The following TMEM132D variants were observed in gnomAD, a reference collection of about 807,000 sequenced individuals.
The protein encoded by TMEM132D is mature OL transmembrane protein.
In TMEM132D, 21 loss-of-function variants were observed where a neutral mutation model predicts 62.3. That is an observed-to-expected ratio of 0.34 (90% CI 0.24 to 0.49). The LOEUF (loss-of-function observed/expected upper bound fraction) is 0.49. Ranked by LOEUF, TMEM132D falls within the 20% of genes least tolerant of loss-of-function variation. The probability of loss-of-function intolerance (pLI) is 0.99; values close to 1 mark genes in which losing one functional copy is unlikely to be tolerated. For synonymous variants in TMEM132D, 621 were observed against 575.6 expected, an observed-to-expected ratio of 1.08 and a Z score of -1.13; for missense variants, 1,346 against 1,402.8, an observed-to-expected ratio of 0.96 and a Z score of 0.65.
chr12:129,306,904 A>G (rs1881858586), intron 4 of TMEM132D, among the ~76,000 whole-genome samples: 3 of 152,208 alleles, frequency 2.0e-5, no homozygotes, highest in African/African-American at 7.2e-5. Flanking sequence ...CGACTGGCCA[A>G]GGAAAAGCGG....
intron 2 of TMEM132D, among the ~76,000 whole-genome samples, chr12:129,615,304 A>T (rs570167293): frequency 3.9e-5 from 6 of 152,256 alleles, no homozygotes; most frequent in Middle Eastern, 3.4e-3. Context: ...TCAGGGATGA[A>T]TCTTCCGTCA....
chr12:129,393,916 C>T (rs1265587499), intron 3 of TMEM132D, among the ~76,000 whole-genome samples: 3 of 152,198 alleles, frequency 2.0e-5, no homozygotes, highest in African/African-American at 7.2e-5. Context: ...AACTCCGCCA[C>T]TCATCTCTCA....
chr12:129,377,697 T>G (rs1489156964), intron 3 of TMEM132D, among the ~76,000 whole-genome samples: 5 of 152,180 alleles, frequency 3.3e-5, no homozygotes, highest in Non-Finnish European at 5.9e-5. Context: ...GTGGTGAGTG[T>G]AAATCTTTGA....
chr12:129,553,902 C>T (rs1876974678), intron 2 of TMEM132D, among the ~76,000 whole-genome samples: 1 of 152,184 alleles, frequency 6.6e-6, no homozygotes, highest in African/African-American at 2.4e-5. Context: ...ATGTCACTTC[C>T]CATGCTTTGC....
chr12:129,174,794 A>G (rs1471123809), intron 5 of TMEM132D, among the ~76,000 whole-genome samples: 2 of 152,132 alleles, frequency 1.3e-5, no homozygotes, highest in African/African-American at 2.4e-5. Flanking sequence ...GATGGTATCC[A>G]TTGTGGTTTT....
At chr12:129,432,135 ATGGATGGATGGATGGATGGATGCT>A (rs1178281539) in intron 3 of TMEM132D, among the ~76,000 whole-genome samples, 19 of 145,534 alleles carry the variant, frequency 1.3e-4, no homozygotes, top group Middle Eastern at 3.5e-3. Context: ...GGATGGATGG[ATGGATGGATGGATGGATGGATGCT>A]TGGATGGATG....
intron 5 of TMEM132D, among the ~76,000 whole-genome samples, chr12:129,157,624 A>G (rs1025031058): frequency 5.3e-5 from 8 of 152,258 alleles, no homozygotes; most frequent in Non-Finnish European, 1.0e-4. Context: ...AATGAAACAC[A>G]AATTATATAA....
intron 2 of TMEM132D, among the ~76,000 whole-genome samples, chr12:129,633,288 T>C (rs1264579225): frequency 2.6e-5 from 4 of 152,158 alleles, no homozygotes; most frequent in Non-Finnish European, 5.9e-5. Context: ...ATCCAAAGTT[T>C]TCAAGATACA....
chr12:129,108,138 A>G (rs59851682), intron 5 of TMEM132D, among the ~76,000 whole-genome samples: 15,124 of 152,156 alleles, frequency 0.099, 2,248 homozygotes, highest in African/African-American at 0.32. Context: ...AGACACTTAC[A>G]TGGTGTGGGG....
At chr12:129,617,594 CG>C (rs750374604) in intron 2 of TMEM132D, among the ~76,000 whole-genome samples, 14 of 152,176 alleles carry the variant, frequency 9.2e-5, no homozygotes, top group Non-Finnish European at 1.3e-4. Context: ...AGCAGCAGTG[CG>C]GTTCTATTTG....
chr12:129,380,140 A>T (rs1251891328), intron 3 of TMEM132D, among the ~76,000 whole-genome samples: 1 of 152,226 alleles, frequency 6.6e-6, no homozygotes, highest in Non-Finnish European at 1.5e-5. Context: ...ATGGCATTTT[A>T]GATTCAATAG....
intron 3 of TMEM132D, among the ~76,000 whole-genome samples, chr12:129,416,735 G>A (rs1244255880): frequency 2.6e-5 from 4 of 152,126 alleles, no homozygotes; most frequent in Non-Finnish European, 5.9e-5. Context: ...CTAGTTTAAT[G>A]AGTATTTTTA....
intron 4 of TMEM132D, among the ~76,000 whole-genome samples, chr12:129,242,515 T>C (rs1337137489): frequency 6.6e-6 from 1 of 152,178 alleles, no homozygotes; most frequent in Non-Finnish European, 1.5e-5. Context: ...TGTCCTTATT[T>C]TTTAGTTTTT....
At chr12:129,800,680 GC>G (rs920573224) in intron 1 of TMEM132D, among the ~76,000 whole-genome samples, 6 of 152,084 alleles carry the variant, frequency 3.9e-5, no homozygotes, top group Admixed American at 2.6e-4. Context: ...AACGTGATTT[GC>G]CTGTTTAAAG....
At chr12:129,646,400 G>A (rs939589632) in intron 2 of TMEM132D, among the ~76,000 whole-genome samples, 5 of 152,054 alleles carry the variant, frequency 3.3e-5, no homozygotes, top group Non-Finnish European at 7.4e-5. Flanking sequence ...CTGCTACTCG[G>A]CCATGACTCT....
intron 2 of TMEM132D, 108 bp downstream of exon 2, chr12:129,699,702 C>A: frequency 1.4e-6 from 2 of 1,387,530 alleles, no homozygotes; most frequent in South Asian, 2.8e-5. Flanking sequence ...AACGGGAAGG[C>A]CGGCTCTACT....
chr12:129,492,332 A>G (rs1395460585), intron 3 of TMEM132D, among the ~76,000 whole-genome samples: 1 of 152,228 alleles, frequency 6.6e-6, no homozygotes, highest in Non-Finnish European at 1.5e-5. Flanking sequence ...TTTTATTTTA[A>G]GAAAACATGA....
At chr12:129,715,337 G>A (rs1209435456) in intron 1 of TMEM132D, among the ~76,000 whole-genome samples, 7 of 152,140 alleles carry the variant, frequency 4.6e-5, no homozygotes, top group Non-Finnish European at 8.8e-5. Context: ...TGAGGTCCAA[G>A]GCCAACTCAG....
chr12:129,603,819 G>A (rs543309553), intron 2 of TMEM132D, among the ~76,000 whole-genome samples: 30 of 152,286 alleles, frequency 2.0e-4, no homozygotes, highest in East Asian at 5.8e-4. Flanking sequence ...CCATTACTGC[G>A]TATATACCCA....
Sources: gnomAD v4.1 joint callset for allele counts (sites outside exome capture counted in the v4.1 genomes callset) on GRCh38, gnomAD v4.1.1 for gene constraint, MANE v1.5 for transcripts, NCBI Gene and HGNC (gene_info 2026-07-23, HGNC 2026-07-21) for gene names.